The following KCNT2 variants were observed in gnomAD, a reference collection of about 807,000 sequenced individuals.
The protein encoded by KCNT2 is potassium sodium-activated channel subfamily T member 2, also known as potassium channel subfamily T member 2.
Under a neutral mutation model 153.8 loss-of-function variants are expected in KCNT2, and 67 were observed. The ratio of observed to expected loss-of-function variants is 0.44; its 90% CI spans 0.36 to 0.53. The LOEUF (loss-of-function observed/expected upper bound fraction) is 0.53. Among genes scored for constraint, KCNT2 ranks in the 20% least tolerant of loss-of-function variants. The probability of loss-of-function intolerance (pLI) is 0.00; values close to 1 mark genes in which losing one functional copy is unlikely to be tolerated. For missense variants in KCNT2, 975 were observed against 1,354.8 expected, an observed-to-expected ratio of 0.72 and a Z score of 4.40; for synonymous variants, 500 against 458.8, an observed-to-expected ratio of 1.09 and a Z score of -1.15.
At chr1:196,291,193 GCAGGTCCTCCT>G (rs1660150330) in intron 22 of KCNT2, among the ~76,000 whole-genome samples, 1 of 151,716 alleles carries the variant, frequency 6.6e-6, no homozygotes, top group East Asian at 1.9e-4. Context: ...AACCATCTCT[GCAGGTCCTCCT>G]CATCCTTCAA....
chr1:196,418,050 T>C (rs1040665328), intron 12 of KCNT2, among the ~76,000 whole-genome samples: 1 of 152,156 alleles, frequency 6.6e-6, no homozygotes, highest in African/African-American at 2.4e-5. Flanking sequence ...GAACAGCATG[T>C]TGAGTGCTAT....
At chr1:196,355,267 T>C (rs1324098357) in intron 14 of KCNT2, among the ~76,000 whole-genome samples, 2 of 151,002 alleles carry the variant, frequency 1.3e-5, no homozygotes, top group African/African-American at 4.9e-5. Flanking sequence ...TGAATTCCAA[T>C]TCTTGAACAG....
chr1:196,514,851 T>A (rs527689071), intron 1 of KCNT2, among the ~76,000 whole-genome samples: 1 of 152,304 alleles, frequency 6.6e-6, no homozygotes, highest in South Asian at 2.1e-4. Flanking sequence ...ATCGCGAAAC[T>A]ATTTGTACCT....
chr1:196,391,368 G>T (rs1670476505), intron 13 of KCNT2, among the ~76,000 whole-genome samples: 1 of 151,188 alleles, frequency 6.6e-6, no homozygotes, highest in Non-Finnish European at 1.5e-5. Context: ...AGCATACCTG[G>T]TCTTTTTCAT....
chr1:196,364,557 G>A (rs1349065335), intron 14 of KCNT2, among the ~76,000 whole-genome samples: 1 of 152,022 alleles, frequency 6.6e-6, no homozygotes, highest in African/African-American at 2.4e-5. Flanking sequence ...AGTTTTTTGA[G>A]GAATCCTAAA....
At chr1:196,263,607 T>C (rs1434915644) in intron 25 of KCNT2, among the ~76,000 whole-genome samples, 3 of 152,042 alleles carry the variant, frequency 2.0e-5, no homozygotes, top group African/African-American at 7.2e-5. Flanking sequence ...TCGGAGTAGG[T>C]AGAACCTCTA....
At chr1:196,598,882 C>T (rs1664394804) in intron 1 of KCNT2, among the ~76,000 whole-genome samples, 2 of 152,148 alleles carry the variant, frequency 1.3e-5, no homozygotes, top group South Asian at 4.1e-4. Context: ...GGTAAATGTT[C>T]TCTGATGCTG....
intron 1 of KCNT2, among the ~76,000 whole-genome samples, chr1:196,597,662 C>G (rs1343342836): frequency 1.3e-5 from 2 of 152,174 alleles, no homozygotes; most frequent in Non-Finnish European, 2.9e-5. Context: ...CTTATCTTTG[C>G]TCTGGCTAAC....
intron 1 of KCNT2, among the ~76,000 whole-genome samples, chr1:196,492,692 G>T (rs1679949798): frequency 6.6e-6 from 1 of 152,108 alleles, no homozygotes; most frequent in South Asian, 2.1e-4. Flanking sequence ...ATGTGTGTTT[G>T]AAATGGGTTT....
intron 1 of KCNT2, among the ~76,000 whole-genome samples, chr1:196,577,899 A>G (rs1167486907): frequency 6.6e-6 from 1 of 152,222 alleles, no homozygotes; most frequent in Non-Finnish European, 1.5e-5. Flanking sequence ...AAAAATTATT[A>G]GAAATGCAAA....
rs773822159 is a variant in KCNT2, at chr1:196,273,454, CA to C, written c.2910+7405del. ...CACCATTTGAGGAAAGGGAAACAAA[CA>C]GAAAATACTTACTTGTGATGCTATT... On this transcript the variant is annotated intron_variant, in intron 25 of 27. Transcript: ENST00000294725. 93 of 1,522,532 alleles carry C rather than the reference CA, an allele frequency of 6.1e-5. 1 individual carries two copies. The highest frequency in any genetic ancestry group is 9.8e-5 in the Admixed American group (5 of 50,762). The allele number at this position is 1,522,532 out of a possible 1,614,324, so 94.3% of individuals were successfully genotyped here. A position where few individuals can be genotyped will look rare whatever the true frequency, so the allele number is the denominator to read the frequency against.
intron 22 of KCNT2, among the ~76,000 whole-genome samples, chr1:196,301,249 C>T (rs1220544283): frequency 6.6e-6 from 1 of 152,140 alleles, no homozygotes; most frequent in Non-Finnish European, 1.5e-5. Context: ...CCCCCAAAAT[C>T]ATTCATACCT....
chr1:196,535,872 T>C (rs900008716), intron 1 of KCNT2, among the ~76,000 whole-genome samples: 7 of 152,216 alleles, frequency 4.6e-5, no homozygotes, highest in Admixed American at 6.5e-5. Context: ...ACACATGGCA[T>C]TGGATACATA....
intron 1 of KCNT2, among the ~76,000 whole-genome samples, chr1:196,500,538 T>G (rs1472154812): frequency 6.6e-6 from 1 of 152,208 alleles, no homozygotes; most frequent in Non-Finnish European, 1.5e-5. Context: ...CACCCACAAA[T>G]AGTGGGCTAT....
intron 1 of KCNT2, among the ~76,000 whole-genome samples, chr1:196,592,541 T>A (rs970897922): frequency 1.4e-5 from 2 of 147,446 alleles, no homozygotes; most frequent in African/African-American, 4.9e-5. Context: ...TCTAACTATA[T>A]ATAAATATAT....
At chr1:196,329,950 C>CATATATATATATAT (rs71154737) in intron 18 of KCNT2, among the ~76,000 whole-genome samples, 1,169 of 73,354 alleles carry the variant, frequency 0.016, 29 homozygotes, top group African/African-American at 0.042. Context: ...TTCCTCAAGA[C>CATATATATATATAT]ATATATATAT....
intron 13 of KCNT2, among the ~76,000 whole-genome samples, chr1:196,377,005 AAAGATAGTTG>A (rs1229219221): frequency 1.3e-5 from 2 of 151,936 alleles, no homozygotes; most frequent in African/African-American, 4.8e-5. Context: ...TGTATGGTCA[AAAGATAGTTG>A]AAGTTCTTCA....
chr1:196,484,135 A>G (rs1464773355), intron 3 of KCNT2, among the ~76,000 whole-genome samples: 1 of 152,116 alleles, frequency 6.6e-6, no homozygotes, highest in Admixed American at 6.6e-5. Flanking sequence ...TAAGTTGCTG[A>G]ACAGAAGTGC....
intron 14 of KCNT2, among the ~76,000 whole-genome samples, chr1:196,351,874 A>G (rs1218343758): frequency 6.6e-6 from 1 of 152,044 alleles, no homozygotes; most frequent in South Asian, 2.1e-4. Context: ...TTTGAGATAC[A>G]TCCCATCAAT....
Sources: allele counts gnomAD v4.1 joint callset (sites outside exome capture counted in the v4.1 genomes callset), GRCh38; gene constraint gnomAD v4.1.1; transcripts MANE v1.5; gene names NCBI Gene and HGNC (gene_info 2026-07-23, HGNC 2026-07-21).